The following IQCM variants were observed in gnomAD, a reference collection of about 807,000 sequenced individuals.
IQCM encodes IQ motif containing M.
Under a neutral mutation model 57.6 loss-of-function variants are expected in IQCM, and 45 were observed. The ratio of observed to expected loss-of-function variants is 0.78; its 90% CI spans 0.62 to 1.00. The LOEUF is 1.00. Among genes scored for constraint, IQCM ranks in the 50% least tolerant of loss-of-function variants. IQCM has a pLI of 0.00. For missense variants in IQCM, 468 were observed against 511.6 expected, an observed-to-expected ratio of 0.91 and a Z score of 0.82; for synonymous variants, 148 against 158.9, an observed-to-expected ratio of 0.93 and a Z score of 0.51.
intron 2 of IQCM, among the ~76,000 whole-genome samples, chr4:149,788,686 C>T (rs1772300377): frequency 6.6e-6 from 1 of 152,174 alleles, no homozygotes; most frequent in Non-Finnish European, 1.5e-5. Flanking sequence ...CAAAGAAATA[C>T]ATGCATCCCC....
At chr4:149,667,194 G>A (rs1394851591) in intron 7 of IQCM, among the ~76,000 whole-genome samples, 1 of 152,148 alleles carries the variant, frequency 6.6e-6, no homozygotes, top group Non-Finnish European at 1.5e-5. Flanking sequence ...ACTGGCATCT[G>A]GCATGTGCCC....
chr4:149,358,882 A>AGTATATCATGAGATACT, intron 13 of IQCM, among the ~76,000 whole-genome samples: 1 of 151,468 alleles, frequency 6.6e-6, no homozygotes, highest in Admixed American at 6.6e-5. Flanking sequence ...ATATCATGAG[A>AGTATATCATGAGATACT]CCACAGTGGA....
At position 149,500,842 on chromosome 4, in the gene IQCM, C is replaced by T. The variant is rs988373761; in HGVS notation, c.1228+47613G>A. ...TAGCCCAGACACACAAAGACAATTT[C>T]GTTAAAATATTCAGCAAAATCACAT... On this transcript the variant is annotated intron_variant, in intron 12 of 13. Transcript: ENST00000636793. 2.6e-5 allele frequency among the ~76,000 whole-genome samples: 4 copies of T among 152,140 alleles called. No individual in the cohort carries two copies. The East Asian group carries it at 5.8e-4, about 22-fold the overall frequency.
At chr4:149,627,456 C>A (rs1393466658) in intron 7 of IQCM, among the ~76,000 whole-genome samples, 1 of 152,182 alleles carries the variant, frequency 6.6e-6, no homozygotes, top group Non-Finnish European at 1.5e-5. Flanking sequence ...CTATATTAAT[C>A]ATGGTAATAC....
At chr4:149,416,127 C>G (rs1441665384) in intron 13 of IQCM, among the ~76,000 whole-genome samples, 1 of 152,026 alleles carries the variant, frequency 6.6e-6, no homozygotes, top group East Asian at 1.9e-4. Context: ...ATAAAAAAAC[C>G]TGGTTAGCAC....
intron 2 of IQCM, among the ~76,000 whole-genome samples, chr4:149,812,178 G>C (rs888172461): frequency 6.6e-6 from 1 of 152,288 alleles, no homozygotes; most frequent in African/African-American, 2.4e-5. Flanking sequence ...TCCTTTGGGT[G>C]AACTGAGAAA....
At chr4:149,813,321 A>G (rs956220539) in intron 2 of IQCM, among the ~76,000 whole-genome samples, 2 of 152,052 alleles carry the variant, frequency 1.3e-5, no homozygotes, top group Non-Finnish European at 2.9e-5. Flanking sequence ...AAAATATTGA[A>G]CAAATGTATC....
At chr4:149,480,755 C>A (rs141381781) in intron 12 of IQCM, among the ~76,000 whole-genome samples, 1 of 152,166 alleles carries the variant, frequency 6.6e-6, no homozygotes, top group African/African-American at 2.4e-5. Flanking sequence ...ATATTTATTT[C>A]CTTTATTTTG....
At chr4:149,794,144 A>T (rs1435236314) in intron 2 of IQCM, among the ~76,000 whole-genome samples, 1 of 152,224 alleles carries the variant, frequency 6.6e-6, no homozygotes, top group Non-Finnish European at 1.5e-5. Flanking sequence ...AAGAACCCAG[A>T]AAGGATTTAA....
chr4:149,668,745 G>C (rs1045967120), intron 7 of IQCM, among the ~76,000 whole-genome samples: 9 of 152,074 alleles, frequency 5.9e-5, no homozygotes, highest in African/African-American at 9.7e-5. Flanking sequence ...AAAGTGTTTG[G>C]TCAGAGCTGA....
intron 2 of IQCM, among the ~76,000 whole-genome samples, chr4:149,750,490 G>A (rs1404541925): frequency 6.6e-6 from 1 of 152,146 alleles, no homozygotes; most frequent in Non-Finnish European, 1.5e-5. Context: ...AACAAAAAAG[G>A]TAATAAGAGC....
At chr4:149,381,089 G>T (rs753387861) in intron 13 of IQCM, among the ~76,000 whole-genome samples, 1 of 151,980 alleles carries the variant, frequency 6.6e-6, no homozygotes, top group Non-Finnish European at 1.5e-5. Flanking sequence ...TGCATCTTTT[G>T]CAGGCTAAAA....
At chr4:149,704,803 G>T (rs1764032389) in intron 5 of IQCM, among the ~76,000 whole-genome samples, 2 of 151,882 alleles carry the variant, frequency 1.3e-5, no homozygotes, top group Non-Finnish European at 2.9e-5. Context: ...TGAATCGGTA[G>T]ACTGGATAAA....
intron 2 of IQCM, among the ~76,000 whole-genome samples, chr4:149,791,711 C>T (rs1772632919): frequency 6.6e-6 from 1 of 152,128 alleles, no homozygotes; most frequent in Non-Finnish European, 1.5e-5. Context: ...GCATAAGTAA[C>T]ATAACCATAC....
At chr4:149,701,814 C>T (rs745495997) in intron 5 of IQCM, among the ~76,000 whole-genome samples, 9 of 151,956 alleles carry the variant, frequency 5.9e-5, no homozygotes, top group Admixed American at 1.3e-4. Context: ...TACTTTTTAT[C>T]AAAGTCCAAT....
intron 13 of IQCM, among the ~76,000 whole-genome samples, chr4:149,418,139 C>A: frequency 6.9e-6 from 1 of 145,168 alleles, no homozygotes. Context: ...ACCAAAAGAC[C>A]CTTTAAAAAA....
At chr4:149,490,135 A>C (rs575689790) in intron 12 of IQCM, among the ~76,000 whole-genome samples, 155 of 152,114 alleles carry the variant, frequency 1.0e-3, no homozygotes, top group African/African-American at 3.6e-3. Flanking sequence ...TAATCAATGA[A>C]AAAAGTCAAA....
intron 6 of IQCM, among the ~76,000 whole-genome samples, 193 bp downstream of exon 6, chr4:149,686,185 T>G (rs1352355693): frequency 1.3e-5 from 2 of 151,384 alleles, no homozygotes; most frequent in Non-Finnish European, 3.0e-5. Context: ...ATCCTCCAGT[T>G]CAAAAGTTAA....
At chr4:149,576,139 G>C (rs944407717) in intron 9 of IQCM, among the ~76,000 whole-genome samples, 2 of 151,678 alleles carry the variant, frequency 1.3e-5, no homozygotes, top group African/African-American at 4.8e-5. Context: ...AATCAATTCT[G>C]ATTTTTTTTC....
Sources: allele counts gnomAD v4.1 joint callset (sites outside exome capture counted in the v4.1 genomes callset), GRCh38; gene constraint gnomAD v4.1.1; transcripts MANE v1.5; gene names NCBI Gene and HGNC (gene_info 2026-07-23, HGNC 2026-07-21).